Variants in PRKCE observed in about 807,000 individuals in gnomAD.
PRKCE encodes protein kinase C epsilon.
PRKCE carries 16 observed loss-of-function variants against 85.4 expected under a neutral mutation model. The ratio of observed to expected loss-of-function variants is 0.19; its 90% confidence interval spans 0.13 to 0.28. PRKCE has a LOEUF of 0.28. Ranked by LOEUF, PRKCE falls within the 10% of genes least tolerant of loss-of-function variation. PRKCE has a pLI of 1.00. For synonymous variants in PRKCE, 388 were observed against 371.5 expected, an observed-to-expected ratio of 1.04 and a Z score of -0.51; for missense variants, 573 against 975.2, an observed-to-expected ratio of 0.59 and a Z score of 5.49.
At chr2:45,705,171 CCAT>C (rs762156789) in intron 1 of PRKCE, among the ~76,000 whole-genome samples, 2 of 152,244 alleles carry the variant, frequency 1.3e-5, no homozygotes, top group Non-Finnish European at 2.9e-5. Context: ...TCTTTTACCA[CCAT>C]ATTTCATGCA....
At chr2:46,179,881 C>A (rs543285935) in intron 14 of PRKCE, among the ~76,000 whole-genome samples, 8 of 152,150 alleles carry the variant, frequency 5.3e-5, no homozygotes, top group Non-Finnish European at 1.0e-4. Context: ...AATCAAAACA[C>A]CCCCTGACAG....
At chr2:45,992,896 C>T (rs13006518) in intron 6 of PRKCE, among the ~76,000 whole-genome samples, 33,436 of 152,132 alleles carry the variant, frequency 0.22, 3,925 homozygotes, top group African/African-American at 0.3. Context: ...GCTGCACCAC[C>T]CAGCACATAG....
At chr2:46,104,296 C>CTT (rs59018550) in intron 11 of PRKCE, among the ~76,000 whole-genome samples, 2,921 of 118,452 alleles carry the variant, frequency 0.025, 90 homozygotes, top group Middle Eastern at 0.038. Context: ...TCACCTTGTA[C>CTT]TTTTTTTTTT....
intron 1 of PRKCE, among the ~76,000 whole-genome samples, chr2:45,830,051 C>T (rs897188712): frequency 6.8e-5 from 8 of 116,932 alleles, no homozygotes; most frequent in Admixed American, 4.6e-4. Context: ...CCAGCCTGGG[C>T]GACAGAGCGA....
chr2:45,968,504 G>C (rs533883107), intron 2 of PRKCE, among the ~76,000 whole-genome samples: 9 of 152,276 alleles, frequency 5.9e-5, no homozygotes, highest in African/African-American at 2.2e-4. Flanking sequence ...AGGTGATGAT[G>C]AAAAACTACC....
intron 1 of PRKCE, among the ~76,000 whole-genome samples, chr2:45,802,083 T>TAAAAA (rs36010894): frequency 4.3e-4 from 52 of 121,900 alleles, no homozygotes; most frequent in African/African-American, 1.5e-3. Context: ...GACCCTATCT[T>TAAAAA]AAAAAAAAAA....
At chr2:45,664,463 G>C (rs956727845) in intron 1 of PRKCE, among the ~76,000 whole-genome samples, 3 of 152,212 alleles carry the variant, frequency 2.0e-5, no homozygotes, top group Non-Finnish European at 2.9e-5. Context: ...AGGTAAAATT[G>C]TGCTTCTGTT....
At chr2:46,114,323 G>C (rs955739821) in intron 11 of PRKCE, among the ~76,000 whole-genome samples, 4 of 149,840 alleles carry the variant, frequency 2.7e-5, no homozygotes, top group African/African-American at 7.3e-5. Context: ...TGATTTTTCT[G>C]AGTTAAGATT....
At chr2:45,849,152 G>GT (rs1223069034) in intron 2 of PRKCE, among the ~76,000 whole-genome samples, 1 of 152,176 alleles carries the variant, frequency 6.6e-6, no homozygotes, top group Non-Finnish European at 1.5e-5. Flanking sequence ...TGCCTTAAAT[G>GT]TTTAAACTGT....
Position 45,865,893 on chromosome 2 carries a change from C to T in PRKCE, c.412+22830C>T, listed in dbSNP as rs1032052045. 7.4e-5 allele frequency among the ~76,000 whole-genome samples: 11 copies of T among 148,752 alleles called. No individual in the cohort carries two copies. In the South Asian group the frequency reaches 2.4e-3, roughly 32 times the overall value. On this transcript the variant is annotated intron_variant, in intron 2 of 14. Transcript: ENST00000306156. ...AGTGCAGTGATACAATTAAAATTCA[C>T]TGCAGCCTCAACCTCACAGGCTCAA...
At chr2:46,038,712 A>G (rs984236413) in intron 10 of PRKCE, among the ~76,000 whole-genome samples, 13 of 150,326 alleles carry the variant, frequency 8.6e-5, no homozygotes, top group African/African-American at 2.5e-4. Flanking sequence ...CATTTTCCAG[A>G]TATTTCCTTG....
At chr2:45,872,443 T>C (rs1694168942) in intron 2 of PRKCE, among the ~76,000 whole-genome samples, 1 of 152,066 alleles carries the variant, frequency 6.6e-6, no homozygotes, top group African/African-American at 2.4e-5. Flanking sequence ...GCTGGAGTCG[T>C]AGGAGGGCTC....
chr2:45,787,867 G>A (rs1480595874), intron 1 of PRKCE, among the ~76,000 whole-genome samples: 1 of 152,178 alleles, frequency 6.6e-6, no homozygotes, highest in Admixed American at 6.6e-5. Flanking sequence ...TCCTGTGCAG[G>A]GGAGTGATAT....
rs186587311 is a variant in PRKCE at position 45,932,851 on chromosome 2, C to T, written c.413-43578C>T. 1.5e-4 allele frequency among the ~76,000 whole-genome samples: 23 copies of T among 152,324 alleles called. No individual in the cohort carries two copies. In the East Asian group the frequency reaches 4.2e-3, roughly 28 times the overall value. On this transcript the variant is annotated intron_variant, in intron 2 of 14. Transcript: ENST00000306156. ...GTCTCCATGAATTTTGACTACTCTGCATACTTCATATAAGTGGAATTGGGC... is the reference window on the plus strand; with the variant it reads ...GTCTCCATGAATTTTGACTACTCTGTATACTTCATATAAGTGGAATTGGGC...
intron 14 of PRKCE, among the ~76,000 whole-genome samples, chr2:46,171,293 G>A (rs924225057): frequency 6.6e-6 from 1 of 152,000 alleles, no homozygotes; most frequent in African/African-American, 2.4e-5. Flanking sequence ...GGCATCTCCT[G>A]GGGTGCCCCT....
intron 1 of PRKCE, among the ~76,000 whole-genome samples, chr2:45,799,057 T>G (rs1687658056): frequency 6.6e-6 from 1 of 151,812 alleles, no homozygotes; most frequent in East Asian, 1.9e-4. Context: ...TCCCAGCTAC[T>G]CAGGAGGCTG....
chr2:45,791,845 T>C (rs1459976227), intron 1 of PRKCE, among the ~76,000 whole-genome samples: 1 of 152,194 alleles, frequency 6.6e-6, no homozygotes, highest in Non-Finnish European at 1.5e-5. Context: ...CCCAGCTCTC[T>C]CAATGAGAAT....
chr2:45,735,668 A>G (rs1429207384), intron 1 of PRKCE, among the ~76,000 whole-genome samples: 1 of 152,224 alleles, frequency 6.6e-6, no homozygotes, highest in Non-Finnish European at 1.5e-5. Context: ...CAGGAAAGCA[A>G]AGTGTTGGAG....
At chr2:45,759,096 C>A (rs989457950) in intron 1 of PRKCE, among the ~76,000 whole-genome samples, 2 of 152,176 alleles carry the variant, frequency 1.3e-5, no homozygotes, top group Admixed American at 1.3e-4. Flanking sequence ...ACTTTCCAAA[C>A]TCTCCCCTCT....
Sources: allele counts gnomAD v4.1 joint callset (sites outside exome capture counted in the v4.1 genomes callset), GRCh38; gene constraint gnomAD v4.1.1; transcripts MANE v1.5; gene names NCBI Gene and HGNC (gene_info 2026-07-23, HGNC 2026-07-21).